Variants in FAM13A observed in about 807,000 individuals in gnomAD.
The protein encoded by FAM13A is family with sequence similarity 13 member A.
Under a neutral mutation model 129.6 loss-of-function variants are expected in FAM13A, and 76 were observed. That is an observed-to-expected ratio of 0.59 (90% CI 0.49 to 0.71). The LOEUF is 0.71. Ranked by LOEUF, FAM13A falls within the 30% of genes least tolerant of loss-of-function variation. FAM13A has a pLI of 0.00. For synonymous variants in FAM13A, 443 were observed against 449.9 expected (o/e 0.98, Z 0.20); for missense variants, 1,108 against 1,249.3 (o/e 0.89, Z 1.70).
chr4:89,003,888 A>G (rs1579722512), intron 3 of FAM13A, among the ~76,000 whole-genome samples: 1 of 151,626 alleles, frequency 6.6e-6, no homozygotes, highest in Middle Eastern at 3.4e-3. Flanking sequence ...TATATTATCA[A>G]ATGGAAGCAA....
chr4:88,961,618 C>T (rs897206296), intron 4 of FAM13A, among the ~76,000 whole-genome samples: 2 of 152,242 alleles, frequency 1.3e-5, no homozygotes, highest in Middle Eastern at 6.8e-3. Context: ...CTGCCCGCCT[C>T]AGCCTCCCAG....
At chr4:88,995,743 A>C (rs1300748535) in intron 3 of FAM13A, among the ~76,000 whole-genome samples, 1 of 151,982 alleles carries the variant, frequency 6.6e-6, no homozygotes, top group Non-Finnish European at 1.5e-5. Flanking sequence ...GTGAGCCAAT[A>C]CTCCTTAATA....
intron 4 of FAM13A, among the ~76,000 whole-genome samples, chr4:88,984,941 T>C (rs1762058733): frequency 6.6e-6 from 1 of 152,174 alleles, no homozygotes; most frequent in African/African-American, 2.4e-5. Context: ...CCTAGTTATA[T>C]ACCCAAGAGA....
chr4:89,012,127 C>A (rs907858924), intron 3 of FAM13A, among the ~76,000 whole-genome samples: 2 of 152,156 alleles, frequency 1.3e-5, no homozygotes, highest in African/African-American at 4.8e-5. Context: ...AAAAATATTT[C>A]TAGTTAATCC....
At chr4:88,869,280 A>G (rs1297032763) in intron 6 of FAM13A, among the ~76,000 whole-genome samples, 2 of 152,236 alleles carry the variant, frequency 1.3e-5, no homozygotes, top group African/African-American at 4.8e-5. Context: ...CAGAAATTTA[A>G]TTACAGTTGT....
chr4:88,964,355 A>G (rs1462386565), intron 4 of FAM13A, among the ~76,000 whole-genome samples: 1 of 152,170 alleles, frequency 6.6e-6, no homozygotes, highest in Admixed American at 6.5e-5. Context: ...GAATGTTTCT[A>G]TAAGAAAGAT....
Position 88,816,724 on chromosome 4 carries a change from C to T in FAM13A, c.1008-11672G>A, listed in dbSNP as rs749614780. 3.9e-5 allele frequency among the ~76,000 whole-genome samples: 6 copies of T among 152,268 alleles called. No homozygotes were observed. In the East Asian group the frequency reaches 5.8e-4, roughly 15 times the overall value. On this transcript the variant is annotated intron_variant, in intron 7 of 23. Transcript: ENST00000264344. ...AAATACATGCCATGATCATCAACTT[C>T]GTATACAAATGGCTATTCTTTAGAC...
intron 7 of FAM13A, among the ~76,000 whole-genome samples, chr4:88,829,749 C>A (rs975011981): frequency 6.6e-6 from 1 of 151,984 alleles, no homozygotes; most frequent in Non-Finnish European, 1.5e-5. Flanking sequence ...CAGAGGAGTG[C>A]GTGTAGGTAA....
At chr4:88,874,314 A>G (rs1741984421) in intron 6 of FAM13A, among the ~76,000 whole-genome samples, 1 of 152,228 alleles carries the variant, frequency 6.6e-6, no homozygotes, top group African/African-American at 2.4e-5. Flanking sequence ...AGAAAAAAAT[A>G]AAGAGTATTC....
Position 88,961,347 on chromosome 4 carries a change from C to CTTTTTTTTTTTTTTTTTTTTTTTT in FAM13A, c.606-23130_606-23107dup, listed in dbSNP as rs773764813. On this transcript the variant is annotated intron_variant, in intron 4 of 23. Transcript: ENST00000264344. ...AAATCCTCAGCTTTGTGGAATTTGCCTTTTTTTTTTTTTTTTTTTTTTTTT... is the reference window on the plus strand; with the variant it reads ...AAATCCTCAGCTTTGTGGAATTTGCCTTTTTTTTTTTTTTTTTTTTTTTTTTTTTTTTTTTTTTTTTTTTTTTTT... Among the ~76,000 whole-genome samples the CTTTTTTTTTTTTTTTTTTTTTTTT allele has an allele frequency of 3.6e-5, 2 of 55,424 alleles. 1 individual carries two copies. The highest frequency in any genetic ancestry group is 6.8e-5 in the Non-Finnish European group (2 of 29,396). 36.4% of individuals were successfully genotyped at this position (55,424 alleles called of 152,430 possible).
chr4:88,932,983 G>A (rs1189121819), intron 5 of FAM13A, among the ~76,000 whole-genome samples: 1 of 152,084 alleles, frequency 6.6e-6, no homozygotes, highest in Non-Finnish European at 1.5e-5. Context: ...TTAGTGATAT[G>A]CCATAGGTTA....
intron 4 of FAM13A, among the ~76,000 whole-genome samples, chr4:88,959,944 C>T (rs928718709): frequency 2.0e-5 from 3 of 152,118 alleles, no homozygotes; most frequent in African/African-American, 4.8e-5. Context: ...GCTTAACTAC[C>T]GCATCCTTAC....
chr4:88,826,165 G>A (rs1274221745), intron 7 of FAM13A, among the ~76,000 whole-genome samples: 1 of 151,742 alleles, frequency 6.6e-6, no homozygotes, highest in East Asian at 1.9e-4. Context: ...CCCTTTCACT[G>A]AGCCCCTTAA....
At chr4:88,833,036 A>T (rs1188813648) in intron 7 of FAM13A, among the ~76,000 whole-genome samples, 2 of 152,234 alleles carry the variant, frequency 1.3e-5, no homozygotes, top group African/African-American at 4.8e-5. Context: ...ACTCCATGGA[A>T]TGCTATGCAG....
rs367818801 is a variant in FAM13A, at chr4:88,727,321, G to GC, written c.*1211_*1212insG. On this transcript the variant is annotated 3_prime_UTR_variant, in exon 24 of 24. Coordinates refer to ENST00000264344, the MANE Select transcript of FAM13A (RefSeq NM_014883.4). ...GTGACATCAGGCACACTGAAGAGAT[G>GC]GAGGATTTGGTGTCTTACATTTCCT... The GC allele has an allele frequency of 3.7e-4, 57 of 152,726 alleles. No homozygotes were observed. The highest frequency in any genetic ancestry group is 1.3e-3 in the African/African-American group (53 of 41,556). 9.5% of individuals were successfully genotyped at this position (152,726 alleles called of 1,614,324 possible). A position where few individuals can be genotyped will look rare whatever the true frequency, so the allele number is the denominator to read the frequency against.
intron 7 of FAM13A, among the ~76,000 whole-genome samples, chr4:88,826,231 A>G (rs1732956403): frequency 6.7e-6 from 1 of 150,050 alleles, no homozygotes; most frequent in African/African-American, 2.5e-5. Context: ...CTGCCTTTTC[A>G]CTTAGCTCTC....
intron 1 of FAM13A, among the ~76,000 whole-genome samples, chr4:89,044,505 G>A (rs1770581370): frequency 6.6e-6 from 1 of 152,094 alleles, no homozygotes; most frequent in African/African-American, 2.4e-5. Flanking sequence ...CAGCCAAAGT[G>A]GGAAACAACT....
At chr4:88,795,386 C>T (rs1405452966) in intron 8 of FAM13A, among the ~76,000 whole-genome samples, 6 of 151,620 alleles carry the variant, frequency 4.0e-5, no homozygotes, top group Non-Finnish European at 5.9e-5. Flanking sequence ...TATAACCCAT[C>T]GAAATGTCAG....
Position 88,841,961 on chromosome 4 carries a change from C to T in FAM13A, c.1007+9059G>A, listed in dbSNP as rs183297856. On this transcript the variant is annotated intron_variant, in intron 7 of 23. Coordinates refer to ENST00000264344, the MANE Select transcript of FAM13A (RefSeq NM_014883.4). ...CGAAGGCTTCTACAGAAATGTTCAT[C>T]CTAGCATTATTCATAATAGCCAAAA... Among the ~76,000 whole-genome samples the T allele has an allele frequency of 9.2e-5, 14 of 152,296 alleles. No homozygotes were observed. In the East Asian group the frequency reaches 2.7e-3, roughly 29 times the overall value.
Sources: gnomAD v4.1 joint callset for allele counts (sites outside exome capture counted in the v4.1 genomes callset) on GRCh38, gnomAD v4.1.1 for gene constraint, MANE v1.5 for transcripts, NCBI Gene and HGNC (gene_info 2026-07-23, HGNC 2026-07-21) for gene names.